Variants in GRIA4 observed in about 807,000 individuals in gnomAD.
GRIA4 encodes the protein glutamate receptor 4.
In GRIA4, 34 loss-of-function variants were observed where a neutral mutation model predicts 104.0. That is an observed-to-expected ratio of 0.33 (90% CI 0.25 to 0.44). GRIA4 has a LOEUF of 0.44. GRIA4 is among the 20% of genes least tolerant of loss of function. The probability of loss-of-function intolerance (pLI) is 1.00; values close to 1 mark genes in which losing one functional copy is unlikely to be tolerated. For missense variants in GRIA4, 750 were observed against 1,096.5 expected, an observed-to-expected ratio of 0.68 and a Z score of 4.46; for synonymous variants, 386 against 381.9, an observed-to-expected ratio of 1.01 and a Z score of -0.13.
At chr11:105,793,384 T>G (rs1349227553) in intron 4 of GRIA4, among the ~76,000 whole-genome samples, 1 of 152,096 alleles carries the variant, frequency 6.6e-6, no homozygotes, top group Non-Finnish European at 1.5e-5. Context: ...GCACTAAGAT[T>G]ATCACATCTA....
At chr11:105,702,461 T>C (rs1000950252) in intron 3 of GRIA4, among the ~76,000 whole-genome samples, 2 of 151,440 alleles carry the variant, frequency 1.3e-5, no homozygotes, top group Non-Finnish European at 2.9e-5. Context: ...ATAATAATAA[T>C]AGGCATAATG....
At chr11:105,741,274 T>C (rs933808263) in intron 3 of GRIA4, among the ~76,000 whole-genome samples, 1 of 152,144 alleles carries the variant, frequency 6.6e-6, no homozygotes, top group African/African-American at 2.4e-5. Flanking sequence ...GGGTTCTGTT[T>C]TGACCCAGCT....
At chr11:105,953,525 A>G (rs1214276311) in intron 14 of GRIA4, among the ~76,000 whole-genome samples, 1 of 152,346 alleles carries the variant, frequency 6.6e-6, no homozygotes, top group African/African-American at 2.4e-5. Flanking sequence ...ATTTAATAAC[A>G]GAATGAATAG....
At position 105,927,705 on chromosome 11, in the gene GRIA4, T is replaced by G. The variant is rs1420085411; in HGVS notation, c.2046+766T>G. Among the ~76,000 whole-genome samples the G allele has an allele frequency of 2.6e-5, 4 of 152,118 alleles. No homozygotes were observed. The East Asian group carries it at 7.7e-4, about 29-fold the overall frequency. ...TTCCATTATGGGGATGAATTTTTTT[T>G]ATCAAAAAACCCTTTTTCTAGTCTT... On this transcript the variant is annotated intron_variant, in intron 13 of 16. Coordinates refer to ENST00000282499, the MANE Select transcript of GRIA4 (RefSeq NM_000829.4).
At chr11:105,611,838 C>G (rs1009615602) in intron 2 of GRIA4, among the ~76,000 whole-genome samples, 1 of 152,164 alleles carries the variant, frequency 6.6e-6, no homozygotes, top group Non-Finnish European at 1.5e-5. Flanking sequence ...AGTCCACGAG[C>G]TGGAGGAAAA....
chr11:105,719,615 T>C (rs1009643671), intron 3 of GRIA4, among the ~76,000 whole-genome samples: 1 of 152,088 alleles, frequency 6.6e-6, no homozygotes. Context: ...GCTCAGTTCA[T>C]TCTGAAAACT....
rs1308211662 is a variant in GRIA4, at chr11:105,965,480, TACTC to T, written c.2295-6433_2295-6430del. ...CATAAAAAATAAAGGGAGTAATAAT[TACTC>T]TTTGTTTTCAGGGAATCAGTAAAGA... On this transcript the variant is annotated intron_variant, in intron 14 of 16. Coordinates refer to ENST00000282499, the MANE Select transcript of GRIA4 (RefSeq NM_000829.4). 2.0e-5 allele frequency among the ~76,000 whole-genome samples: 3 copies of T among 151,874 alleles called. No homozygotes were observed. The East Asian group carries it at 5.8e-4, about 30-fold the overall frequency.
intron 4 of GRIA4, among the ~76,000 whole-genome samples, chr11:105,840,415 T>C (rs1431174512): frequency 6.6e-6 from 1 of 152,206 alleles, no homozygotes; most frequent in Non-Finnish European, 1.5e-5. Flanking sequence ...TGATTTTCAT[T>C]TAGAATTCTG....
rs183690288 is a variant in GRIA4, at chr11:105,789,170, T to C, written c.487+35950T>C. 4.6e-3 allele frequency among the ~76,000 whole-genome samples: 706 copies of C among 152,210 alleles called. 8 individuals carry two copies. Among genetic ancestry groups the C allele is most frequent in the African/African-American group, 0.016 (682 of 41,546 alleles). ...AATTTTATAGCATCACAGATAGAAC[T>C]GGTAAAAACCAAAAGGCAAAAAAGG... On this transcript the variant is annotated intron_variant, in intron 4 of 16. Coordinates refer to ENST00000282499, the MANE Select transcript of GRIA4 (RefSeq NM_000829.4).
At chr11:105,912,731 G>C (rs1031449489) in intron 10 of GRIA4, 19 of 965,942 alleles carry the variant, frequency 2.0e-5, no homozygotes, top group Non-Finnish European at 4.9e-6. Flanking sequence ...AGACATACTA[G>C]AATCCTTTTT....
At chr11:105,853,143 G>A (rs1269734422) in intron 4 of GRIA4, among the ~76,000 whole-genome samples, 1 of 152,128 alleles carries the variant, frequency 6.6e-6, no homozygotes, top group Non-Finnish European at 1.5e-5. Flanking sequence ...GAATTCTTTG[G>A]ACAGCACTGG....
At chr11:105,923,676 C>T (rs1008722167) in intron 11 of GRIA4, among the ~76,000 whole-genome samples, 4 of 152,114 alleles carry the variant, frequency 2.6e-5, no homozygotes, top group African/African-American at 9.7e-5. Flanking sequence ...AATGACAGAA[C>T]TCTGAAAATG....
chr11:105,791,448 G>C (rs1430528521), intron 4 of GRIA4, among the ~76,000 whole-genome samples: 4 of 152,054 alleles, frequency 2.6e-5, no homozygotes, highest in Non-Finnish European at 4.4e-5. Context: ...AATTTTTTAA[G>C]TTGAAAAATA....
chr11:105,650,540 C>T (rs1277661506), intron 3 of GRIA4, among the ~76,000 whole-genome samples: 1 of 152,000 alleles, frequency 6.6e-6, no homozygotes, highest in Admixed American at 6.6e-5. Flanking sequence ...TTGACAACAA[C>T]CTAAAACTCT....
At chr11:105,775,922 T>C (rs1941428791) in intron 4 of GRIA4, among the ~76,000 whole-genome samples, 4 of 151,858 alleles carry the variant, frequency 2.6e-5, no homozygotes, top group Admixed American at 2.6e-4. Context: ...GAACTTCCAT[T>C]TGTTAGAATT....
chr11:105,898,298 T>C lies in GRIA4; in HGVS notation c.756T>C (p.Phe252=). ...TCAAGGATATTTCTCTTGAGAGGTT[T>C]ATACATGGTGGAGCCAATGTTACTG... ...LGFKDISLER[F]IHGGANVTGF... The change falls in exon 7 of 17, where the codon TTT becomes TTC. Residue 252 remains phenylalanine, a synonymous_variant. Transcript: ENST00000282499. 4 of 1,568,928 alleles carry C rather than the reference T, an allele frequency of 2.5e-6. No individual in the cohort carries two copies. Among genetic ancestry groups the C allele is most frequent in the Non-Finnish European group, 3.5e-6 (4 of 1,139,538 alleles).
At chr11:105,786,702 TG>T (rs1941984305) in intron 4 of GRIA4, among the ~76,000 whole-genome samples, 1 of 152,234 alleles carries the variant, frequency 6.6e-6, no homozygotes, top group African/African-American at 2.4e-5. Flanking sequence ...TTGGGTTTTT[TG>T]CTTCTTTGTA....
At chr11:105,691,709 G>A (rs1953089659) in intron 3 of GRIA4, among the ~76,000 whole-genome samples, 1 of 151,986 alleles carries the variant, frequency 6.6e-6, no homozygotes, top group African/African-American at 2.4e-5. Context: ...GGCCGAGGTG[G>A]GCGAATCAGG....
intron 3 of GRIA4, among the ~76,000 whole-genome samples, chr11:105,664,725 T>C (rs1217414679): frequency 6.6e-6 from 1 of 151,994 alleles, no homozygotes; most frequent in East Asian, 1.9e-4. Flanking sequence ...AAAAGAGAAA[T>C]CACTTTTGGA....
Sources: allele counts gnomAD v4.1 joint callset (sites outside exome capture counted in the v4.1 genomes callset), GRCh38; gene constraint gnomAD v4.1.1; transcripts MANE v1.5; gene names NCBI Gene and HGNC (gene_info 2026-07-23, HGNC 2026-07-21).